Variants in DCTN6 observed in about 807,000 individuals in gnomAD.
DCTN6 encodes the protein dynactin 6.
In DCTN6, 15 loss-of-function variants were observed where a neutral mutation model predicts 25.8. That is an observed-to-expected ratio of 0.58 (90% CI 0.39 to 0.89). The LOEUF is 0.89. Among genes scored for constraint, DCTN6 ranks in the 40% least tolerant of loss-of-function variants. DCTN6 has a pLI of 0.00. For missense variants in DCTN6, 198 were observed against 237.6 expected (o/e 0.83, Z 1.09); for synonymous variants, 64 against 78.3 (o/e 0.82, Z 0.96).
At chr8:30,157,301 G>A (rs1371234523) in intron 1 of DCTN6, among the ~76,000 whole-genome samples, 1 of 152,126 alleles carries the variant, frequency 6.6e-6, no homozygotes. Context: ...GTATTCCATC[G>A]TATAGATACA....
chr8:30,159,641 T>A (rs1471323897), intron 1 of DCTN6, among the ~76,000 whole-genome samples: 1 of 151,970 alleles, frequency 6.6e-6, no homozygotes, highest in Non-Finnish European at 1.5e-5. Flanking sequence ...GCCAAATGAC[T>A]TTTTTCTCTA....
At chr8:30,156,431 C>G in intron 1 of DCTN6, 25 bp downstream of exon 1, 1 of 1,591,224 alleles carries the variant, frequency 6.3e-7, no homozygotes, top group South Asian at 1.1e-5. Flanking sequence ...TGAGAAAAGC[C>G]TTTTCTCAGC....
intron 5 of DCTN6, among the ~76,000 whole-genome samples, chr8:30,179,664 A>G (rs1016678190): frequency 2.1e-4 from 32 of 152,306 alleles, no homozygotes; most frequent in African/African-American, 7.5e-4. Context: ...AAAATCAGCT[A>G]TGTACAGGAT....
intron 2 of DCTN6, among the ~76,000 whole-genome samples, chr8:30,172,136 A>G (rs1803771429): frequency 6.6e-6 from 1 of 152,200 alleles, no homozygotes; most frequent in African/African-American, 2.4e-5. Flanking sequence ...TTCTCCTTTA[A>G]AAGAAATCCA....
chr8:30,157,099 C>T lies in DCTN6; in HGVS notation c.23+693C>T, dbSNP rs563840539. On this transcript the variant is annotated intron_variant, in intron 1 of 6. Transcript: ENST00000221114. The stretch of plus-strand genomic sequence containing the variant: ...TTTCAGCCCTCAAACCCCTCCTACC[C>T]TCGCTGCTTTTAGAGTCCCCAGTGT... Among the ~76,000 whole-genome samples the T allele has an allele frequency of 6.0e-4, 91 of 152,320 alleles. No individual in the cohort carries two copies. The East Asian group carries it at 9.1e-3, about 15-fold the overall frequency.
intron 1 of DCTN6, among the ~76,000 whole-genome samples, chr8:30,163,082 G>A (rs1201305315): frequency 1.3e-5 from 2 of 152,040 alleles, no homozygotes; most frequent in Non-Finnish European, 2.9e-5. Context: ...TGGATCACCT[G>A]AGGTCGGGAG....
chr8:30,158,778 CTTTTTTT>C (rs34642265), intron 1 of DCTN6, among the ~76,000 whole-genome samples: 1 of 70,642 alleles, frequency 1.4e-5, no homozygotes, highest in Admixed American at 2.1e-4. Context: ...TGCCTGGTTC[CTTTTTTT>C]TTTTTTTTTT....
At chr8:30,178,999 G>A (rs1803879578) in intron 4 of DCTN6, among the ~76,000 whole-genome samples, 1 of 152,094 alleles carries the variant, frequency 6.6e-6, no homozygotes, top group South Asian at 2.1e-4. Context: ...AAATTTAAGT[G>A]AACTGAATAA....
intron 2 of DCTN6, among the ~76,000 whole-genome samples, chr8:30,166,950 A>G (rs1803684696): frequency 6.7e-6 from 1 of 150,140 alleles, no homozygotes; most frequent in Non-Finnish European, 1.5e-5. Context: ...AGAGAGAGAG[A>G]GGAAGGGAGG....
intron 2 of DCTN6, among the ~76,000 whole-genome samples, chr8:30,171,161 C>T (rs576565705): frequency 7.2e-5 from 11 of 152,132 alleles, no homozygotes; most frequent in African/African-American, 2.7e-4. Context: ...GCTTGATGAC[C>T]GGCAGAATAT....
At chr8:30,166,963 G>A (rs1421661458) in intron 2 of DCTN6, among the ~76,000 whole-genome samples, 1 of 149,712 alleles carries the variant, frequency 6.7e-6, no homozygotes, top group East Asian at 2.0e-4. Context: ...AAGGGAGGGA[G>A]GAAGGGAAGA....
At chr8:30,161,623 T>A (rs1196515501) in intron 1 of DCTN6, among the ~76,000 whole-genome samples, 1 of 152,210 alleles carries the variant, frequency 6.6e-6, no homozygotes, top group East Asian at 1.9e-4. Flanking sequence ...TTTGTGCTTC[T>A]TCTCATTCAG....
chr8:30,162,151 G>A (rs928012935), intron 1 of DCTN6, among the ~76,000 whole-genome samples: 2 of 151,462 alleles, frequency 1.3e-5, no homozygotes, highest in African/African-American at 2.4e-5. Context: ...GTGCAGTGGC[G>A]CTACCTCGGC....
At chr8:30,174,977 C>T in intron 2 of DCTN6, 108 bp from the exon 3 acceptor site, 10 of 988,672 alleles carry the variant, frequency 1.0e-5, no homozygotes, top group Non-Finnish European at 1.2e-5. Context: ...CTGGCACATA[C>T]TTAGAAAATG....
intron 1 of DCTN6, among the ~76,000 whole-genome samples, chr8:30,158,311 C>T (rs1803552981): frequency 6.6e-6 from 1 of 152,096 alleles, no homozygotes; most frequent in Admixed American, 6.6e-5. Context: ...AAACAAGAGA[C>T]ATTTTATAGA....
intron 2 of DCTN6, among the ~76,000 whole-genome samples, chr8:30,171,584 T>A (rs1803765004): frequency 6.6e-6 from 1 of 152,212 alleles, no homozygotes; most frequent in African/African-American, 2.4e-5. Context: ...TAAAGCTAGT[T>A]ATGGAAAATA....
At chr8:30,174,434 A>G (rs1169842112) in intron 2 of DCTN6, among the ~76,000 whole-genome samples, 1 of 151,516 alleles carries the variant, frequency 6.6e-6, no homozygotes, top group Non-Finnish European at 1.5e-5. Context: ...CTGTGTTCAC[A>G]TGATTCTCCT....
chr8:30,181,188 A>C (rs1388878933), intron 6 of DCTN6, among the ~76,000 whole-genome samples: 3 of 152,174 alleles, frequency 2.0e-5, no homozygotes, highest in African/African-American at 7.2e-5. Context: ...GTTATGAGAA[A>C]AGATCCAGAA....
rs568887534 is a variant in DCTN6, at chr8:30,183,156, A to G, written c.556A>G (p.Thr186Ala). ...HLKKTMKGSS[T>A]PVKN The stretch of plus-strand genomic sequence containing the variant: ...AAAGAAGACTATGAAAGGAAGCTCA[A>G]CTCCAGTAAAGAACTAAGAACAGTG... Residue 186 changes from threonine (T) to alanine (A), a missense_variant, in exon 7 of 7, where the codon ACT becomes GCT. Transcript: ENST00000221114. The G allele has an allele frequency of 6.2e-7, 1 of 1,613,820 alleles. No homozygotes were observed. Among genetic ancestry groups the G allele is most frequent in the African/African-American group, 1.3e-5 (1 of 75,026 alleles).
Sources: allele counts gnomAD v4.1 joint callset (sites outside exome capture counted in the v4.1 genomes callset), GRCh38; gene constraint gnomAD v4.1.1; transcripts MANE v1.5; gene names NCBI Gene and HGNC (gene_info 2026-07-23, HGNC 2026-07-21).